ITSN1: variants seen among roughly 807,000 people sequenced by gnomAD.
The protein encoded by ITSN1 is intersectin-1.
Under a neutral mutation model 239.8 loss-of-function variants are expected in ITSN1, and 58 were observed. The ratio of observed to expected loss-of-function variants is 0.24; its 90% CI spans 0.20 to 0.30. ITSN1 has a LOEUF of 0.30. Among genes scored for constraint, ITSN1 ranks in the 10% least tolerant of loss-of-function variants. The pLI is 1.00. For missense variants in ITSN1, 1,558 were observed against 2,103.3 expected (o/e 0.74, Z 5.07); for synonymous variants, 780 against 770.8 (o/e 1.01, Z -0.20).
chr21:33,839,411 G>A (rs908527107), intron 29 of ITSN1, among the ~76,000 whole-genome samples: 1 of 152,156 alleles, frequency 6.6e-6, no homozygotes, highest in African/African-American at 2.4e-5. Context: ...GCTGAGACCT[G>A]AAGAGTAAGG....
At chr21:33,815,358 T>A (rs1602402731) in intron 22 of ITSN1, among the ~76,000 whole-genome samples, 1 of 151,930 alleles carries the variant, frequency 6.6e-6, no homozygotes, top group African/African-American at 2.4e-5. Context: ...TTAGCACGTG[T>A]CACATGCTCA....
At position 33,836,495 on chromosome 21, in the gene ITSN1, C is replaced by T; in HGVS notation, c.3524C>T (p.Ala1175Val). 1 of 1,613,968 alleles carries T rather than the reference C, an allele frequency of 6.2e-7. No homozygotes were observed. The highest frequency in any genetic ancestry group is 8.5e-7 in the Non-Finnish European group (1 of 1,179,906). The part of the protein sequence containing the change: ...DYTAQNDDEL[A>V]FNKGQIINVL... ...ACCGCGCAGAATGACGATGAGCTGG[C>T]CTTCAACAAGGGCCAGATCATCAAC... Residue 1175 changes from alanine to valine, a missense_variant, in exon 29 of 40, where the codon GCC becomes GTC. This residue lies in a region of ITSN1 where 576 missense variants were observed against 893.3 expected (regional missense o/e 0.64). Coordinates refer to ENST00000381318, the MANE Select transcript of ITSN1 (RefSeq NM_003024.3).
intron 16 of ITSN1, among the ~76,000 whole-genome samples, chr21:33,786,207 A>G (rs539993492): frequency 6.6e-6 from 1 of 152,384 alleles, no homozygotes; most frequent in South Asian, 2.1e-4. Flanking sequence ...ATGAATTAGT[A>G]CATCTTAAAA....
At chr21:33,709,422 A>T (rs2092348164) in intron 1 of ITSN1, among the ~76,000 whole-genome samples, 1 of 152,056 alleles carries the variant, frequency 6.6e-6, no homozygotes, top group Admixed American at 6.6e-5. Context: ...TTCATGCCTC[A>T]GCCTCCCAAG....
At chr21:33,829,167 C>T in intron 26 of ITSN1, 1 of 372,556 alleles carries the variant, frequency 2.7e-6, no homozygotes, top group Non-Finnish European at 5.2e-6. Context: ...TCTCTTTCTA[C>T]TGTACTTGGC....
intron 5 of ITSN1, among the ~76,000 whole-genome samples, chr21:33,741,849 C>T (rs1287557887): frequency 1.5e-5 from 2 of 131,978 alleles, no homozygotes; most frequent in Admixed American, 8.6e-5. Flanking sequence ...GAGCTGAGAT[C>T]GCGTCACTGC....
intron 19 of ITSN1, 122 bp downstream of exon 19, chr21:33,800,051 A>G (rs1387457815): frequency 2.1e-6 from 2 of 931,376 alleles, no homozygotes; most frequent in South Asian, 2.8e-5. Context: ...TCCAGCATCT[A>G]GATTTTTAAA....
At chr21:33,670,535 C>T (rs1293429002) in intron 1 of ITSN1, among the ~76,000 whole-genome samples, 2 of 151,512 alleles carry the variant, frequency 1.3e-5, no homozygotes, top group East Asian at 1.9e-4. Flanking sequence ...GAGTGGCCAT[C>T]GTTCACTTAT....
chr21:33,781,419 C>A, intron 14 of ITSN1, 42 bp from the exon 15 acceptor site: 1 of 1,053,768 alleles, frequency 9.5e-7, no homozygotes, highest in Non-Finnish European at 1.5e-6. Context: ...GATGTGGTAG[C>A]CTTCCCTGTC....
At chr21:33,730,638 G>T (rs1039642636) in intron 4 of ITSN1, among the ~76,000 whole-genome samples, 1 of 151,728 alleles carries the variant, frequency 6.6e-6, no homozygotes, top group Non-Finnish European at 1.5e-5. Context: ...CTGACCTCAT[G>T]ATCCACCCTT....
intron 26 of ITSN1, among the ~76,000 whole-genome samples, chr21:33,827,362 T>C (rs1229473694): frequency 2.6e-5 from 4 of 152,048 alleles, no homozygotes; most frequent in African/African-American, 9.7e-5. Flanking sequence ...GTTGCTCCAC[T>C]TCACTCCAGC....
At chr21:33,851,836 T>C (rs1353443591) in intron 29 of ITSN1, among the ~76,000 whole-genome samples, 17 of 131,510 alleles carry the variant, frequency 1.3e-4, no homozygotes, top group Non-Finnish European at 1.8e-4. Flanking sequence ...CAGGCTGGAG[T>C]GCAGTGGTGC....
chr21:33,703,720 C>T (rs746440986), intron 1 of ITSN1, among the ~76,000 whole-genome samples: 8 of 151,542 alleles, frequency 5.3e-5, no homozygotes, highest in Non-Finnish European at 1.0e-4. Context: ...ATTTTTTTTT[C>T]ACCTATCTTT....
rs1985531562 is a variant in ITSN1 at position 33,884,905 on chromosome 21, C to T, written c.4677-136C>T. 7.6e-6 allele frequency: 5 copies of T among 660,708 alleles called. No individual in the cohort carries two copies. In the South Asian group the frequency reaches 9.2e-5, roughly 12 times the overall value. The allele number at this position is 660,708 out of a possible 1,614,324, so 40.9% of individuals were successfully genotyped here. A position where few individuals can be genotyped will look rare whatever the true frequency, so the allele number is the denominator to read the frequency against. On this transcript the variant is annotated intron_variant, in intron 36 of 39. Coordinates refer to ENST00000381318, the MANE Select transcript of ITSN1 (RefSeq NM_003024.3). ...GTATTAGCGTCACGTGACATAAAAT[C>T]AGATTTTCTTTCCCGAGCCTTTGTT...
At chr21:33,876,510 G>T (rs1402237288) in intron 34 of ITSN1, among the ~76,000 whole-genome samples, 1 of 152,190 alleles carries the variant, frequency 6.6e-6, no homozygotes, top group Non-Finnish European at 1.5e-5. Context: ...GACCACAGGT[G>T]CATGCCACCA....
intron 34 of ITSN1, among the ~76,000 whole-genome samples, chr21:33,881,394 G>A (rs1330575732): frequency 7.1e-6 from 1 of 140,564 alleles, no homozygotes; most frequent in African/African-American, 2.7e-5. Context: ...GCGACAGAGT[G>A]AGACTCTGTC....
rs191901126 is a variant in ITSN1, at chr21:33,781,020, C to G, written c.1597-441C>G. On this transcript the variant is annotated intron_variant, in intron 14 of 39. Transcript: ENST00000381318. ...TTTCTAACTTCAGGTATACGGTAAA[C>G]CTAAGTTCAGCCTTAGTAAGTATCA... Among the ~76,000 whole-genome samples, 270 of 152,258 alleles carry G rather than the reference C, an allele frequency of 1.8e-3. 2 individuals carry two copies. Among genetic ancestry groups the G allele is most frequent in the African/African-American group, 6.1e-3 (255 of 41,532 alleles).
chr21:33,782,241 G>A lies in ITSN1; in HGVS notation c.1824+108G>A, dbSNP rs956300512. ...AGGCAGAAAAATTTATTATGCCATT[G>A]TGAGACAATCTAAATTGCACTTTTC... On this transcript the variant is annotated intron_variant, in intron 16 of 39. Transcript: ENST00000381318. The A allele has an allele frequency of 6.4e-6, 7 of 1,086,612 alleles. No individual in the cohort carries two copies. In the African/African-American group the frequency reaches 1.1e-4, roughly 17 times the overall value. 67.3% of individuals were successfully genotyped at this position (1,086,612 alleles called of 1,614,324 possible). A position where few individuals can be genotyped will look rare whatever the true frequency, so the allele number is the denominator to read the frequency against.
chr21:33,812,049 G>A (rs1183556351), intron 21 of ITSN1, among the ~76,000 whole-genome samples: 2 of 152,200 alleles, frequency 1.3e-5, no homozygotes, highest in Non-Finnish European at 1.5e-5. Flanking sequence ...GCGGGAGGAA[G>A]TGGAGGGAAG....
Sources: gnomAD v4.1 joint callset for allele counts (sites outside exome capture counted in the v4.1 genomes callset) on GRCh38, gnomAD v4.1.1 for gene constraint, gnomAD v4.1.1 regional missense constraint, MANE v1.5 for transcripts, NCBI Gene and HGNC (gene_info 2026-07-23, HGNC 2026-07-21) for gene names.